The following SLIT3 variants were observed in gnomAD, a reference collection of about 807,000 sequenced individuals.
The protein encoded by SLIT3 is slit homolog 3 protein.
A neutral mutation model predicts 184.0 loss-of-function variants in SLIT3; 68 were observed. That is an observed-to-expected ratio of 0.37 (90% CI 0.30 to 0.45). The LOEUF is 0.45. SLIT3 is among the 20% of genes least tolerant of loss of function. The probability of loss-of-function intolerance (pLI) is 1.00; values close to 1 mark genes in which losing one functional copy is unlikely to be tolerated. For missense variants in SLIT3, 1,707 were observed against 2,026.0 expected (o/e 0.84, Z 3.02); for synonymous variants, 831 against 828.6 (o/e 1.00, Z -0.05).
At chr5:169,135,165 G>A (rs1218114094) in intron 4 of SLIT3, among the ~76,000 whole-genome samples, 1 of 152,186 alleles carries the variant, frequency 6.6e-6, no homozygotes, top group East Asian at 1.9e-4. Flanking sequence ...GGAGTCCAGT[G>A]ATACAATCTC....
chr5:168,840,499 C>G (rs562587099), intron 6 of SLIT3, among the ~76,000 whole-genome samples: 3 of 148,970 alleles, frequency 2.0e-5, no homozygotes, highest in South Asian at 4.3e-4. Flanking sequence ...GCCACTATAA[C>G]TGGTGAAATG....
chr5:168,755,075 G>A lies in SLIT3; in HGVS notation c.1686-1068C>T, dbSNP rs139351464. Among the ~76,000 whole-genome samples, 41 of 152,280 alleles carry A rather than the reference G, an allele frequency of 2.7e-4. No individual in the cohort carries two copies. In the South Asian group the frequency reaches 6.9e-3, roughly 25 times the overall value. On this transcript the variant is annotated intron_variant, in intron 16 of 35. Transcript: ENST00000519560. ...TTCTTATGTGCTAGGCACCTCATGA[G>A]GGATCTGACCAACACAACCACATCA...
chr5:168,703,513 C>T (rs113822440), intron 26 of SLIT3, among the ~76,000 whole-genome samples: 1,619 of 152,034 alleles, frequency 0.011, 21 homozygotes, highest in African/African-American at 0.036. Context: ...CTAGGTTGCA[C>T]GCTCCTTATG....
At chr5:168,973,667 C>T (rs879551980) in intron 4 of SLIT3, among the ~76,000 whole-genome samples, 16 of 152,146 alleles carry the variant, frequency 1.1e-4, no homozygotes, top group Non-Finnish European at 1.5e-4. Context: ...CCATCACTGT[C>T]GTCAATATTA....
intron 4 of SLIT3, among the ~76,000 whole-genome samples, chr5:169,151,540 C>T (rs2113370088): frequency 6.6e-6 from 1 of 152,358 alleles, no homozygotes; most frequent in Non-Finnish European, 1.5e-5. Flanking sequence ...CTTGAGAGTA[C>T]ACAAGAAAGA....
chr5:168,713,912 C>T (rs1047205685), intron 23 of SLIT3, among the ~76,000 whole-genome samples: 13 of 152,206 alleles, frequency 8.5e-5, no homozygotes, highest in African/African-American at 2.7e-4. Flanking sequence ...AAAGGTTTCT[C>T]CTATTGCTTT....
chr5:168,737,359 C>T (rs961420533), intron 20 of SLIT3, among the ~76,000 whole-genome samples: 1 of 152,198 alleles, frequency 6.6e-6, no homozygotes, highest in Admixed American at 6.5e-5. Flanking sequence ...GTCATCACCT[C>T]TTGCCACACT....
intron 25 of SLIT3, among the ~76,000 whole-genome samples, chr5:168,709,528 A>C (rs987671871): frequency 2.0e-5 from 3 of 152,248 alleles, no homozygotes; most frequent in Non-Finnish European, 4.4e-5. Flanking sequence ...TGCAGCCAAG[A>C]TTGAGACCTA....
intron 4 of SLIT3, among the ~76,000 whole-genome samples, chr5:168,914,616 C>T (rs1761374245): frequency 2.0e-5 from 3 of 152,180 alleles, no homozygotes. Flanking sequence ...TTTGCTATTC[C>T]ACCATCAGCC....
intron 5 of SLIT3, among the ~76,000 whole-genome samples, chr5:168,855,920 A>T (rs953891331): frequency 2.0e-5 from 3 of 152,300 alleles, no homozygotes; most frequent in Non-Finnish European, 4.4e-5. Context: ...CAGCCTGGCC[A>T]ATATGGTGAA....
intron 8 of SLIT3, among the ~76,000 whole-genome samples, chr5:168,812,588 G>A (rs2113646068): frequency 6.6e-6 from 1 of 152,336 alleles, no homozygotes; most frequent in East Asian, 1.9e-4. Flanking sequence ...CAATGGCCTT[G>A]TGAGCATGTG....
intron 4 of SLIT3, among the ~76,000 whole-genome samples, chr5:168,903,316 G>T (rs952763586): frequency 6.6e-6 from 1 of 152,174 alleles, no homozygotes; most frequent in African/African-American, 2.4e-5. Context: ...AGGCTTCCTG[G>T]GGGTGCAAAC....
intron 4 of SLIT3, among the ~76,000 whole-genome samples, chr5:169,192,468 G>A (rs1203095870): frequency 6.7e-6 from 1 of 149,112 alleles, no homozygotes; most frequent in Non-Finnish European, 1.5e-5. Flanking sequence ...TAGACATATA[G>A]AAATATATAT....
At chr5:168,744,136 A>C (rs1763725282) in intron 20 of SLIT3, among the ~76,000 whole-genome samples, 1 of 152,140 alleles carries the variant, frequency 6.6e-6, no homozygotes, top group Non-Finnish European at 1.5e-5. Context: ...AAAAATACAA[A>C]AAATTAGCCG....
At chr5:169,060,348 C>A (rs371389710) in intron 4 of SLIT3, among the ~76,000 whole-genome samples, 1 of 152,180 alleles carries the variant, frequency 6.6e-6, no homozygotes, top group East Asian at 1.9e-4. Context: ...GCCAAGATCG[C>A]ACCATTGTAC....
At chr5:168,997,313 T>C (rs1755546765) in intron 4 of SLIT3, among the ~76,000 whole-genome samples, 1 of 152,162 alleles carries the variant, frequency 6.6e-6, no homozygotes, top group Admixed American at 6.5e-5. Flanking sequence ...ATTTGAGCTC[T>C]GTTGTTTTTC....
At chr5:168,942,147 G>A (rs967803250) in intron 4 of SLIT3, among the ~76,000 whole-genome samples, 17 of 152,212 alleles carry the variant, frequency 1.1e-4, no homozygotes, top group Non-Finnish European at 2.9e-5. Context: ...ACATGACCAA[G>A]CTGGGCCAAT....
intron 4 of SLIT3, among the ~76,000 whole-genome samples, chr5:168,899,509 G>C (rs1164251026): frequency 6.6e-6 from 1 of 152,082 alleles, no homozygotes; most frequent in South Asian, 2.1e-4. Flanking sequence ...GCGAGATCCT[G>C]CCTCTTAAAA....
chr5:169,205,245 C>G (rs189137735), intron 3 of SLIT3, among the ~76,000 whole-genome samples: 4 of 152,286 alleles, frequency 2.6e-5, no homozygotes, highest in African/African-American at 7.2e-5. Context: ...ATAATTCTAG[C>G]TCTGCCCTAG....
Sources: allele counts gnomAD v4.1 joint callset (sites outside exome capture counted in the v4.1 genomes callset), GRCh38; gene constraint gnomAD v4.1.1; transcripts MANE v1.5; gene names NCBI Gene and HGNC (gene_info 2026-07-23, HGNC 2026-07-21).